Variants in ADGRA3 observed in about 807,000 individuals in gnomAD.
ADGRA3 encodes adhesion G protein-coupled receptor A3.
Under a neutral mutation model 119.8 loss-of-function variants are expected in ADGRA3, and 56 were observed. The ratio of observed to expected loss-of-function variants is 0.47; its 90% CI spans 0.38 to 0.58. The LOEUF is 0.58. Among genes scored for constraint, ADGRA3 ranks in the 20% least tolerant of loss-of-function variants. The pLI, the probability that ADGRA3 is intolerant of heterozygous loss-of-function variation, is 0.00. For missense variants in ADGRA3, 1,516 were observed against 1,649.0 expected (o/e 0.92, Z 1.40); for synonymous variants, 607 against 623.8 (o/e 0.97, Z 0.40).
In ADGRA3 at chr4:22,420,886, C is replaced by G; in HGVS notation, c.1809G>C (p.Lys603Asn). 1 of 1,612,838 alleles carries G rather than the reference C, an allele frequency of 6.2e-7. No homozygotes were observed. The highest frequency in any genetic ancestry group is 8.5e-7 in the Non-Finnish European group (1 of 1,178,892). Reference protein sequence around the residue: ...VSNTFSSLALKNTIVEASIQL... With the variant: ...VSNTFSSLALNNTIVEASIQL... ...TAAATGATTGCAGAATGTAACATAC[C>G]TTTAGTGCCAGACTCGAAAATGTAT... Residue 603 changes from lysine to asparagine, a missense_variant and splice_region_variant, in exon 12 of 19, where the codon AAG becomes AAC. By Grantham distance (94) the Lys-to-Asn change is moderately conservative. Coordinates refer to ENST00000334304, the MANE Select transcript of ADGRA3 (RefSeq NM_145290.4).
chr4:22,460,579 A>T (rs1577361996), intron 3 of ADGRA3, among the ~76,000 whole-genome samples: 3 of 152,204 alleles, frequency 2.0e-5, no homozygotes, highest in Middle Eastern at 6.8e-3. Flanking sequence ...CCCTTAAGAG[A>T]CTCAAGGTCC....
intron 8 of ADGRA3, among the ~76,000 whole-genome samples, chr4:22,437,000 A>T (rs1716422714): frequency 6.6e-6 from 1 of 152,202 alleles, no homozygotes; most frequent in Admixed American, 6.5e-5. Flanking sequence ...TATCTTAAGG[A>T]GTGTCAAAGA....
rs765552184 is a variant in ADGRA3, at chr4:22,388,021, T to C, written c.3650A>G (p.His1217Arg). 1.9e-6 allele frequency: 3 copies of C among 1,614,148 alleles called. No individual in the cohort carries two copies. In the Admixed American group the frequency reaches 5.0e-5, roughly 27 times the overall value. Residue 1217 changes from histidine to arginine, a missense_variant, in exon 19 of 19, where the codon CAC becomes CGC. Physicochemically the swap from His to Arg is conservative, Grantham distance 29. Coordinates refer to ENST00000334304, the MANE Select transcript of ADGRA3 (RefSeq NM_145290.4). ...TAAATAAGCTCTTCGGCTCCTCGAG[T>C]GTCCTTCGTTATTGCCCAGCCGGCT... ...PKSRLGNNEG[H>R]SRSRRAYLAY...
chr4:22,504,534 C>T (rs1205912498), intron 1 of ADGRA3, among the ~76,000 whole-genome samples: 1 of 152,128 alleles, frequency 6.6e-6, no homozygotes, highest in Non-Finnish European at 1.5e-5. Context: ...ACCTTATTGT[C>T]CTTACCCTTG....
intron 3 of ADGRA3, among the ~76,000 whole-genome samples, chr4:22,458,504 G>C (rs1717321045): frequency 6.6e-6 from 1 of 152,084 alleles, no homozygotes; most frequent in African/African-American, 2.4e-5. Flanking sequence ...AATTCCATTA[G>C]ACTGCAAACT....
rs552657381 is a variant in ADGRA3 at position 22,444,943 on chromosome 4, A to C, written c.706+30T>G. On this transcript the variant is annotated intron_variant, in intron 6 of 18. Transcript: ENST00000334304. ...ATGGTAGCAAGTCAAAATATGGTAAATGCTTTCTCAGTTTGGATTTCTCCC... is the reference window on the plus strand; with the variant it reads ...ATGGTAGCAAGTCAAAATATGGTAACTGCTTTCTCAGTTTGGATTTCTCCC... The C allele has an allele frequency of 9.3e-6, 15 of 1,609,614 alleles. No individual in the cohort carries two copies. In the South Asian group the frequency reaches 1.7e-4, roughly 18 times the overall value.
At chr4:22,443,965 T>C (rs1716729581) in intron 6 of ADGRA3, among the ~76,000 whole-genome samples, 1 of 152,140 alleles carries the variant, frequency 6.6e-6, no homozygotes, top group Non-Finnish European at 1.5e-5. Context: ...AACTGGGACC[T>C]CCCCCCATCA....
rs1315702920 is a variant in ADGRA3, at chr4:22,442,763, A to G, written c.807T>C (p.Ile269=). The G allele has an allele frequency of 6.2e-7, 1 of 1,611,100 alleles. No homozygotes were observed. Among genetic ancestry groups the G allele is most frequent in the African/African-American group, 1.3e-5 (1 of 74,836 alleles). Residue 269 remains isoleucine (I), a synonymous_variant, in exon 7 of 19, where the codon ATT becomes ATC. Transcript: ENST00000334304. ...ACCACAACACTTGCATGTCCTGATC[A>G]ATATATGAAGCCATGCACTGGAAAG... ...SLPFQCMASY[I]DQDMQVLWYQ...
intron 16 of ADGRA3, chr4:22,394,594 G>C (rs756742620): frequency 3.9e-5 from 6 of 152,150 alleles, no homozygotes; most frequent in African/African-American, 4.8e-5. Flanking sequence ...ATCAGATGCT[G>C]ACTCAAAATG....
intron 10 of ADGRA3, 67 bp downstream of exon 10, chr4:22,435,244 A>G (rs536865698): frequency 3.8e-6 from 5 of 1,309,468 alleles, no homozygotes; most frequent in East Asian, 4.6e-5. Flanking sequence ...TAAAATACAT[A>G]GATTGAACTC....
chr4:22,489,168 G>A (rs992986176), intron 1 of ADGRA3, among the ~76,000 whole-genome samples: 2 of 152,140 alleles, frequency 1.3e-5, no homozygotes, highest in Non-Finnish European at 2.9e-5. Flanking sequence ...AGGCAAGAGA[G>A]AATGAGAGCC....
At chr4:22,409,889 C>T (rs1007287689) in intron 14 of ADGRA3, among the ~76,000 whole-genome samples, 47 of 152,072 alleles carry the variant, frequency 3.1e-4, no homozygotes, top group Non-Finnish European at 3.7e-4. Context: ...CAGTGTGATA[C>T]GAGAGATAGG....
chr4:22,441,492 G>A, intron 7 of ADGRA3, among the ~76,000 whole-genome samples: 1 of 152,000 alleles, frequency 6.6e-6, no homozygotes, highest in Non-Finnish European at 1.5e-5. Flanking sequence ...TATTATGCAG[G>A]GAATTATGTA....
chr4:22,485,139 T>A (rs116143417), intron 1 of ADGRA3, among the ~76,000 whole-genome samples: 5,041 of 152,210 alleles, frequency 0.033, 278 homozygotes, highest in African/African-American at 0.11. Context: ...CGGCGTGAAG[T>A]GGTGCCATCT....
At chr4:22,406,103 A>G (rs1023048051) in intron 14 of ADGRA3, among the ~76,000 whole-genome samples, 1 of 152,156 alleles carries the variant, frequency 6.6e-6, no homozygotes. Flanking sequence ...ACTTAACAAA[A>G]TAACTTCCAG....
intron 1 of ADGRA3, chr4:22,514,479 G>A (rs1024934454): frequency 6.6e-6 from 1 of 152,204 alleles, no homozygotes; most frequent in African/African-American, 2.4e-5. Context: ...GTATACTCCT[G>A]CTGAATTTGG....
chr4:22,413,668 A>C lies in ADGRA3; in HGVS notation c.1956T>G (p.Asn652Lys). The change falls in exon 13 of 19, where the codon AAT becomes AAG. Residue 652 changes from asparagine to lysine, a missense_variant. By Grantham distance (94) the Asn-to-Lys change is moderately conservative. Coordinates refer to ENST00000334304, the MANE Select transcript of ADGRA3 (RefSeq NM_145290.4). Reference sequence around the variant, plus strand: ...TTCCATCATCAGCCAAATTTGTTGAATTTCCAGTGGCTGGAAAAAGCTTTC... The same window carrying C: ...TTCCATCATCAGCCAAATTTGTTGACTTTCCAGTGGCTGGAAAAAGCTTTC... ...RNGKLFPATGNSTNLADDGKR... is the reference protein window; with the variant it reads ...RNGKLFPATGKSTNLADDGKR... 1.2e-6 allele frequency: 2 copies of C among 1,614,068 alleles called. No homozygotes were observed. Among genetic ancestry groups the C allele is most frequent in the Non-Finnish European group, 1.7e-6 (2 of 1,179,956 alleles).
chr4:22,469,886 C>T (rs1577367629), intron 2 of ADGRA3, among the ~76,000 whole-genome samples: 1 of 152,216 alleles, frequency 6.6e-6, no homozygotes, highest in East Asian at 1.9e-4. Context: ...AACTCGCAGA[C>T]ATTCACAGTG....
intron 12 of ADGRA3, among the ~76,000 whole-genome samples, chr4:22,415,720 T>G (rs963591590): frequency 1.3e-5 from 2 of 152,098 alleles, no homozygotes; most frequent in South Asian, 4.1e-4. Flanking sequence ...TAAATCAAAT[T>G]GATTTAAAAC....
Sources: gnomAD v4.1 joint callset for allele counts (sites outside exome capture counted in the v4.1 genomes callset) on GRCh38, gnomAD v4.1.1 for gene constraint, MANE v1.5 for transcripts, NCBI Gene and HGNC (gene_info 2026-07-23, HGNC 2026-07-21) for gene names.